ODAD4: variants seen among roughly 807,000 people sequenced by gnomAD.
ODAD4 encodes outer dynein arm docking complex subunit 4.
ODAD4 carries 49 observed loss-of-function variants against 51.8 expected under a neutral mutation model. The ratio of observed to expected loss-of-function variants is 0.95; its 90% CI spans 0.75 to 1.20. ODAD4 has a LOEUF of 1.20. Among genes scored for constraint, ODAD4 ranks in the 50% most tolerant of loss-of-function variants. ODAD4 has a pLI of 0.00. For synonymous variants in ODAD4, 235 were observed against 221.3 expected, an observed-to-expected ratio of 1.06 and a Z score of -0.55; for missense variants, 590 against 586.5, an observed-to-expected ratio of 1.01 and a Z score of -0.06.
chr17:41,939,330 C>T (rs1226033120), intron 7 of ODAD4, among the ~76,000 whole-genome samples, 158 bp downstream of exon 7: 1 of 152,212 alleles, frequency 6.6e-6, no homozygotes, highest in Non-Finnish European at 1.5e-5. Flanking sequence ...CTGCCCAGGA[C>T]TGAGGGTGGG....
intron 8 of ODAD4, among the ~76,000 whole-genome samples, chr17:41,946,323 TTTTG>T (rs143044462): frequency 0.026 from 3,923 of 152,240 alleles, 178 homozygotes; most frequent in African/African-American, 0.089. Flanking sequence ...TATCACTTTT[TTTTG>T]TTTGTTTGTT....
At chr17:41,934,478 A>G (rs1432537394) in intron 1 of ODAD4, among the ~76,000 whole-genome samples, 1 of 151,944 alleles carries the variant, frequency 6.6e-6, no homozygotes, top group Non-Finnish European at 1.5e-5. Context: ...CAGCCTCCTG[A>G]GTAGCTGGGA....
chr17:41,964,707 G>C (rs1468778174), intron 11 of ODAD4, among the ~76,000 whole-genome samples: 1 of 151,944 alleles, frequency 6.6e-6, no homozygotes, highest in Non-Finnish European at 1.5e-5. Flanking sequence ...GCAGTGGCTG[G>C]ATTTTGGCTC....
chr17:41,943,053 G>T (rs901500003), intron 7 of ODAD4, among the ~76,000 whole-genome samples: 17 of 152,142 alleles, frequency 1.1e-4, no homozygotes, highest in South Asian at 8.3e-4. Context: ...GTACTATAAT[G>T]TCAGGCTTGC....
At chr17:41,955,403 G>A (rs2050717323) in intron 10 of ODAD4, 86 bp downstream of exon 10, 5 of 673,458 alleles carry the variant, frequency 7.4e-6, no homozygotes, top group Admixed American at 4.6e-5. Context: ...CTGCTTGGGC[G>A]CCATTCCACA....
rs2050313474 is a variant in ODAD4, at chr17:41,930,711, A to C, written c.-13A>C. 9 of 1,564,434 alleles carry C rather than the reference A, an allele frequency of 5.8e-6. No homozygotes were observed. Among genetic ancestry groups the C allele is most frequent in the Non-Finnish European group, 7.0e-6 (8 of 1,140,362 alleles). On this transcript the variant is annotated 5_prime_UTR_variant, in exon 1 of 12. Coordinates refer to ENST00000377540, the MANE Select transcript of ODAD4 (RefSeq NM_031421.5). ...TGATTGTCTCTGCTTTAGCGTCTCT[A>C]AATCCGGTCACCATGTCGGACCCCG...
chr17:41,945,282 T>A, intron 8 of ODAD4, 60 bp downstream of exon 8: 4 of 1,315,474 alleles, frequency 3.0e-6, no homozygotes, highest in Non-Finnish European at 4.3e-6. Context: ...CACCATAACA[T>A]GAAAATTTGT....
At chr17:41,959,799 G>C (rs529365698) in intron 10 of ODAD4, among the ~76,000 whole-genome samples, 379 of 152,262 alleles carry the variant, frequency 2.5e-3, no homozygotes, top group Middle Eastern at 0.014. Context: ...TCTGTTTTTT[G>C]GGAGGCAGGT....
intron 7 of ODAD4, among the ~76,000 whole-genome samples, chr17:41,941,502 G>C (rs1555638682): frequency 6.6e-6 from 1 of 152,130 alleles, no homozygotes; most frequent in Non-Finnish European, 1.5e-5. Flanking sequence ...GGTGGCTCAC[G>C]CCTGTAATCC....
In ODAD4 at chr17:41,943,705, C is replaced by A. The variant is rs145405210; in HGVS notation, c.1059-1431C>A. ...GGTCACAGGAGATATGATGGCTTAGCTTGGGCTCAGAGGCCTGACATGGGA... is the reference window on the plus strand; with the variant it reads ...GGTCACAGGAGATATGATGGCTTAGATTGGGCTCAGAGGCCTGACATGGGA... On this transcript the variant is annotated intron_variant, in intron 7 of 11. Transcript: ENST00000377540. Among the ~76,000 whole-genome samples the A allele has an allele frequency of 3.5e-4, 54 of 152,284 alleles. 2 individuals are homozygous for A. The highest frequency in any genetic ancestry group is 3.5e-3 in the Admixed American group (53 of 15,290).
Position 41,965,894 on chromosome 17 carries a change from G to C in ODAD4, c.*411G>C, listed in dbSNP as rs1555642663. On this transcript the variant is annotated 3_prime_UTR_variant, in exon 12 of 12. Coordinates refer to ENST00000377540, the MANE Select transcript of ODAD4 (RefSeq NM_031421.5). ...GGGGAGGCTTTATGGATGGAACAGTGGTGGGGCGGCCCCAGCTGTCACAGG... is the reference window on the plus strand; with the variant it reads ...GGGGAGGCTTTATGGATGGAACAGTCGTGGGGCGGCCCCAGCTGTCACAGG... 6.6e-6 allele frequency among the ~76,000 whole-genome samples: 1 copy of C among 152,150 alleles called. No individual in the cohort carries two copies. Among genetic ancestry groups the C allele is most frequent in the Non-Finnish European group, 1.5e-5 (1 of 68,034 alleles).
At chr17:41,933,040 C>T (rs558522203) in intron 1 of ODAD4, among the ~76,000 whole-genome samples, 61 of 152,192 alleles carry the variant, frequency 4.0e-4, no homozygotes, top group African/African-American at 1.4e-3. Flanking sequence ...TCACCAACCA[C>T]ACCCTAAAAC....
At chr17:41,942,410 T>C (rs1259573803) in intron 7 of ODAD4, among the ~76,000 whole-genome samples, 8 of 152,232 alleles carry the variant, frequency 5.3e-5, no homozygotes, top group African/African-American at 1.9e-4. Flanking sequence ...CTCTGAATAA[T>C]CTATAAATTA....
At chr17:41,959,961 CATAA>C (rs782746159) in intron 10 of ODAD4, among the ~76,000 whole-genome samples, 18 of 152,226 alleles carry the variant, frequency 1.2e-4, no homozygotes, top group Non-Finnish European at 2.2e-4. Context: ...TCGTCCTCGT[CATAA>C]ATGCCATGTC....
At chr17:41,932,726 CT>C (rs10712306) in intron 1 of ODAD4, among the ~76,000 whole-genome samples, 85,918 of 111,932 alleles carry the variant, frequency 0.77, 33,045 homozygotes, top group South Asian at 0.89. Context: ...TTCTTTTCTT[CT>C]TTTTTTTTTT....
At chr17:41,953,793 G>A (rs1168620116) in intron 9 of ODAD4, among the ~76,000 whole-genome samples, 1 of 151,758 alleles carries the variant, frequency 6.6e-6, no homozygotes, top group Admixed American at 6.6e-5. Flanking sequence ...TCAGCCTCCC[G>A]AGTAGCTGGG....
chr17:41,950,529 T>C (rs1310826368), intron 9 of ODAD4, among the ~76,000 whole-genome samples: 1 of 151,596 alleles, frequency 6.6e-6, no homozygotes, highest in African/African-American at 2.4e-5. Flanking sequence ...ATTACATGTG[T>C]GCACCATAAT....
chr17:41,943,989 G>C (rs1345997342), intron 7 of ODAD4, among the ~76,000 whole-genome samples: 1 of 152,076 alleles, frequency 6.6e-6, no homozygotes, highest in Non-Finnish European at 1.5e-5. Flanking sequence ...CACGAGGTCA[G>C]GAGTTCAAGA....
rs1555638209 is a variant in ODAD4 at position 41,938,660 on chromosome 17, GC to G, written c.731del (p.Pro244ArgfsTer11). The G allele has an allele frequency of 9.3e-6, 15 of 1,613,886 alleles. No individual in the cohort carries two copies. The highest frequency in any genetic ancestry group is 1.3e-5 in the Non-Finnish European group (15 of 1,179,918). ...THSNFWRQQK[P>X]IYARERDRKL... ...ACAGCAACTTCTGGAGGCAGCAGAAGCCGATCTACGCCAGGGAGCGGGACCG... is the reference window on the plus strand; with the variant it reads ...ACAGCAACTTCTGGAGGCAGCAGAAGCGATCTACGCCAGGGAGCGGGACCG... On this transcript the variant is annotated frameshift_variant, in exon 6 of 12. Transcript: ENST00000377540. LOFTEE classifies it high-confidence loss of function.
Sources: allele counts gnomAD v4.1 joint callset (sites outside exome capture counted in the v4.1 genomes callset), GRCh38; gene constraint gnomAD v4.1.1; transcripts MANE v1.5; gene names NCBI Gene and HGNC (gene_info 2026-07-23, HGNC 2026-07-21).